The following GRM5 variants were observed in gnomAD, a reference collection of about 807,000 sequenced individuals.
GRM5 encodes the protein metabotropic glutamate receptor 5.
Under a neutral mutation model 83.1 loss-of-function variants are expected in GRM5, and 19 were observed. That is an observed-to-expected ratio of 0.23 (90% CI 0.16 to 0.34). The LOEUF (loss-of-function observed/expected upper bound fraction) is 0.34. GRM5 is among the 10% of genes least tolerant of loss of function. The probability of loss-of-function intolerance (pLI) is 1.00; values close to 1 mark genes in which losing one functional copy is unlikely to be tolerated. For missense variants in GRM5, 1,160 were observed against 1,588.3 expected (o/e 0.73, Z 4.58); for synonymous variants, 675 against 633.6 (o/e 1.07, Z -0.98).
chr11:88,953,112 T>G (rs1182765730), intron 2 of GRM5, among the ~76,000 whole-genome samples: 1 of 152,198 alleles, frequency 6.6e-6, no homozygotes, highest in Non-Finnish European at 1.5e-5. Context: ...ATAAAAACCC[T>G]GATGTTCTAG....
At chr11:88,614,774 A>G (rs1302154247) in intron 4 of GRM5, among the ~76,000 whole-genome samples, 3 of 152,192 alleles carry the variant, frequency 2.0e-5, no homozygotes, top group African/African-American at 7.2e-5. Context: ...ATATAAAGAA[A>G]CTAAGCTGTA....
intron 3 of GRM5, among the ~76,000 whole-genome samples, chr11:88,718,733 G>T (rs1941457628): frequency 6.6e-6 from 1 of 151,736 alleles, no homozygotes; most frequent in Non-Finnish European, 1.5e-5. Context: ...TACACATTCT[G>T]CATGAAATTT....
At chr11:88,571,987 A>C (rs1460046539) in intron 7 of GRM5, among the ~76,000 whole-genome samples, 2 of 152,202 alleles carry the variant, frequency 1.3e-5, no homozygotes, top group African/African-American at 4.8e-5. Context: ...AATTGAAAGA[A>C]ATTATGAAGA....
At chr11:88,553,160 G>T (rs1015078363) in intron 8 of GRM5, among the ~76,000 whole-genome samples, 3 of 152,184 alleles carry the variant, frequency 2.0e-5, no homozygotes, top group Non-Finnish European at 4.4e-5. Flanking sequence ...AGTGAATGAT[G>T]AAATCAATTT....
chr11:88,765,275 T>C (rs931931729), intron 3 of GRM5, among the ~76,000 whole-genome samples: 1 of 151,056 alleles, frequency 6.6e-6, no homozygotes, highest in Non-Finnish European at 1.5e-5. Context: ...AAGCCCTGGG[T>C]CTGATAGCTT....
chr11:88,804,254 T>C (rs1384186528), intron 3 of GRM5, among the ~76,000 whole-genome samples: 1 of 143,138 alleles, frequency 7.0e-6, no homozygotes. Flanking sequence ...TATTGTGGCA[T>C]TATTCACAAT....
chr11:88,836,777 AGAGT>A (rs753000610), intron 3 of GRM5, among the ~76,000 whole-genome samples: 21 of 152,120 alleles, frequency 1.4e-4, no homozygotes, highest in Non-Finnish European at 2.2e-4. Flanking sequence ...CTTGGGTGAT[AGAGT>A]GAGTGAGATT....
intron 3 of GRM5, among the ~76,000 whole-genome samples, chr11:88,827,502 C>G (rs890144674): frequency 6.6e-6 from 1 of 152,194 alleles, no homozygotes; most frequent in African/African-American, 2.4e-5. Flanking sequence ...TCAGCTAGTT[C>G]CCCTGCTTAC....
intron 9 of GRM5, among the ~76,000 whole-genome samples, chr11:88,519,360 G>A (rs965254556): frequency 6.6e-6 from 1 of 151,968 alleles, no homozygotes; most frequent in Non-Finnish European, 1.5e-5. Context: ...AAGGAATGAT[G>A]GTCAAATAGT....
intron 8 of GRM5, among the ~76,000 whole-genome samples, chr11:88,530,297 A>C (rs11827676): frequency 0.22 from 33,889 of 151,956 alleles, 4,312 homozygotes; most frequent in Non-Finnish European, 0.29. Context: ...CTTATAAACT[A>C]TGGATTTCTA....
chr11:88,529,353 T>G (rs186654020), intron 8 of GRM5, among the ~76,000 whole-genome samples: 22 of 150,676 alleles, frequency 1.5e-4, no homozygotes, highest in Admixed American at 1.3e-3. Context: ...CATACTAGAT[T>G]GGCAGAGAAC....
chr11:88,697,061 T>C (rs1296213175), intron 3 of GRM5, among the ~76,000 whole-genome samples: 2 of 152,224 alleles, frequency 1.3e-5, no homozygotes, highest in Non-Finnish European at 2.9e-5. Context: ...TGGCATATAA[T>C]TTATGTCTCA....
chr11:88,928,614 T>C (rs1945832933), intron 2 of GRM5, among the ~76,000 whole-genome samples: 1 of 151,860 alleles, frequency 6.6e-6, no homozygotes, highest in Admixed American at 6.6e-5. Flanking sequence ...ACATGTTTTC[T>C]GAATCAATCA....
chr11:88,676,710 C>T (rs1403614980), intron 3 of GRM5, among the ~76,000 whole-genome samples: 5 of 151,924 alleles, frequency 3.3e-5, no homozygotes, highest in Non-Finnish European at 7.4e-5. Context: ...TTCAAATACT[C>T]CATTGTTTTC....
intron 3 of GRM5, among the ~76,000 whole-genome samples, chr11:88,806,053 T>C (rs116898476): frequency 6.6e-6 from 1 of 152,190 alleles, no homozygotes; most frequent in African/African-American, 2.4e-5. Context: ...CTGCATCTAC[T>C]AGTGGCATGG....
At chr11:88,589,599 T>C (rs1430963679) in intron 7 of GRM5, among the ~76,000 whole-genome samples, 1 of 152,156 alleles carries the variant, frequency 6.6e-6, no homozygotes, top group Non-Finnish European at 1.5e-5. Flanking sequence ...GACTTTATGA[T>C]CTTCTAGCCT....
At chr11:88,602,826 A>C (rs1025540702) in intron 5 of GRM5, among the ~76,000 whole-genome samples, 59 of 152,364 alleles carry the variant, frequency 3.9e-4, no homozygotes, top group Non-Finnish European at 1.2e-4. Context: ...CATAGGATTA[A>C]AAAGTAGAAC....
chr11:88,526,161 T>C (rs1941870997), intron 8 of GRM5, among the ~76,000 whole-genome samples: 1 of 152,214 alleles, frequency 6.6e-6, no homozygotes, highest in Non-Finnish European at 1.5e-5. Flanking sequence ...GATGCCGCCA[T>C]TATTTTTGTA....
At chr11:88,978,474 TAAAAAAAAAAAAAAAAAAAAAAAAAAA>T (rs200343438) in intron 2 of GRM5, among the ~76,000 whole-genome samples, 11 of 97,988 alleles carry the variant, frequency 1.1e-4, no homozygotes, top group African/African-American at 2.9e-4. Context: ...CAGATGAGCT[TAAAAAAAAAAAAAAAAAAAAAAAAAAA>T]AAAAAAAAAA....
Sources: allele counts gnomAD v4.1 joint callset (sites outside exome capture counted in the v4.1 genomes callset), GRCh38; gene constraint gnomAD v4.1.1; transcripts MANE v1.5; gene names NCBI Gene and HGNC (gene_info 2026-07-23, HGNC 2026-07-21).